Variants in RBFOX1 observed in about 807,000 individuals in gnomAD.
RBFOX1 encodes RNA binding fox-1 homolog 1, also known as RNA binding protein fox-1 homolog 1.
A neutral mutation model predicts 57.7 loss-of-function variants in RBFOX1; 8 were observed. The observed-to-expected ratio is 0.14, with a 90% CI of 0.08 to 0.25. The LOEUF (loss-of-function observed/expected upper bound fraction) is 0.25. Ranked by LOEUF, RBFOX1 falls within the 10% of genes least tolerant of loss-of-function variation. The pLI, the probability that RBFOX1 is intolerant of heterozygous loss-of-function variation, is 1.00. For synonymous variants in RBFOX1, 326 were observed against 222.4 expected, an observed-to-expected ratio of 1.47 and a Z score of -4.15; for missense variants, 611 against 548.5, an observed-to-expected ratio of 1.11 and a Z score of -1.14.
chr16:6,557,505 C>T (rs2097122293), intron 2 of RBFOX1, among the ~76,000 whole-genome samples: 2 of 151,750 alleles, frequency 1.3e-5, no homozygotes, highest in Non-Finnish European at 2.9e-5. Context: ...TCACAGTCTG[C>T]AGTAATATAT....
chr16:5,434,338 T>TTTTTTC (rs2067849459), intron 1 of RBFOX1, among the ~76,000 whole-genome samples: 1 of 147,984 alleles, frequency 6.8e-6, no homozygotes, highest in African/African-American at 2.5e-5. Flanking sequence ...TTTTTTTTTT[T>TTTTTTC]TGAGGCAGGG....
chr16:6,088,436 A>T (rs531247299), intron 1 of RBFOX1, among the ~76,000 whole-genome samples: 3 of 152,150 alleles, frequency 2.0e-5, no homozygotes, highest in Non-Finnish European at 2.9e-5. Context: ...TTTTCCAAAG[A>T]TGAATAAACA....
intron 6 of RBFOX1, among the ~76,000 whole-genome samples, chr16:7,582,245 C>T (rs377624503): frequency 2.0e-5 from 3 of 152,196 alleles, no homozygotes; most frequent in Admixed American, 2.0e-4. Context: ...ATGATAGATA[C>T]ACTTAATACC....
intron 3 of RBFOX1, among the ~76,000 whole-genome samples, chr16:5,826,211 A>T (rs1298351245): frequency 2.0e-5 from 3 of 150,622 alleles, no homozygotes; most frequent in Non-Finnish European, 4.4e-5. Context: ...ATTCCTTATT[A>T]TGAATATTAC....
chr16:6,574,581 A>C (rs2097397767), intron 2 of RBFOX1, among the ~76,000 whole-genome samples: 1 of 149,664 alleles, frequency 6.7e-6, no homozygotes, highest in Admixed American at 6.6e-5. Context: ...GGCGCCCGCC[A>C]CCAAGCCCAG....
intron 3 of RBFOX1, among the ~76,000 whole-genome samples, chr16:5,655,435 G>C (rs371918626): frequency 2.8e-4 from 43 of 152,308 alleles, no homozygotes; most frequent in African/African-American, 9.6e-4. Context: ...CTTTTCATGA[G>C]CATATCTGGC....
chr16:6,837,158 G>C (rs1024988245), intron 3 of RBFOX1, among the ~76,000 whole-genome samples: 1 of 152,158 alleles, frequency 6.6e-6, no homozygotes, highest in African/African-American at 2.4e-5. Flanking sequence ...CAGGAAAGCT[G>C]GTTTTCTGAG....
chr16:6,967,095 T>G (rs1005969749), intron 3 of RBFOX1, among the ~76,000 whole-genome samples: 2 of 152,200 alleles, frequency 1.3e-5, no homozygotes, highest in Non-Finnish European at 2.9e-5. Flanking sequence ...ATCATTCTAT[T>G]TGTCTATACA....
At chr16:5,277,115 A>G (rs1186829525) in intron 1 of RBFOX1, among the ~76,000 whole-genome samples, 2 of 152,208 alleles carry the variant, frequency 1.3e-5, no homozygotes, top group Non-Finnish European at 2.9e-5. Context: ...ACCATAGAAT[A>G]CTACTTAGCC....
chr16:7,434,598 G>C (rs1235579302), intron 4 of RBFOX1, among the ~76,000 whole-genome samples: 1 of 152,140 alleles, frequency 6.6e-6, no homozygotes, highest in African/African-American at 2.4e-5. Context: ...GCATCCTTTA[G>C]AAGCCCTAAG....
At chr16:5,830,686 C>G (rs1490561297) in intron 3 of RBFOX1, among the ~76,000 whole-genome samples, 3 of 152,162 alleles carry the variant, frequency 2.0e-5, no homozygotes, top group Non-Finnish European at 4.4e-5. Context: ...GTCAGTGTGT[C>G]CTCTCTGCAT....
intron 2 of RBFOX1, among the ~76,000 whole-genome samples, chr16:5,578,247 C>G (rs1040928647): frequency 6.6e-6 from 1 of 152,138 alleles, no homozygotes; most frequent in Non-Finnish European, 1.5e-5. Flanking sequence ...GCCGTGCCTG[C>G]CCTGGGGATT....
At chr16:6,048,310 G>C (rs993529620) in intron 1 of RBFOX1, among the ~76,000 whole-genome samples, 2 of 152,122 alleles carry the variant, frequency 1.3e-5, no homozygotes, top group African/African-American at 4.8e-5. Flanking sequence ...ATTCTAGTCA[G>C]ATTTCTTTCC....
At chr16:7,080,012 A>G (rs1363130825) in intron 4 of RBFOX1, among the ~76,000 whole-genome samples, 1 of 140,812 alleles carries the variant, frequency 7.1e-6, no homozygotes, top group African/African-American at 2.7e-5. Context: ...ATATATATAT[A>G]CATATATATA....
chr16:7,178,625 A>C (rs1601975106), intron 4 of RBFOX1, among the ~76,000 whole-genome samples: 1 of 152,146 alleles, frequency 6.6e-6, no homozygotes, highest in African/African-American at 2.4e-5. Flanking sequence ...GTGAAATCTG[A>C]AAGGAAACTA....
chr16:5,276,035 C>A (rs1226207379), intron 1 of RBFOX1, among the ~76,000 whole-genome samples: 1 of 152,168 alleles, frequency 6.6e-6, no homozygotes, highest in African/African-American at 2.4e-5. Context: ...AAAATCAACA[C>A]AAGATGGATC....
intron 1 of RBFOX1, among the ~76,000 whole-genome samples, chr16:5,427,280 A>T (rs1022965663): frequency 6.6e-6 from 1 of 152,244 alleles, no homozygotes; most frequent in African/African-American, 2.4e-5. Context: ...TAAGGAGAAT[A>T]GCAAGTCTAA....
At chr16:7,701,494 G>C (rs951499378) in intron 14 of RBFOX1, among the ~76,000 whole-genome samples, 1 of 152,172 alleles carries the variant, frequency 6.6e-6, no homozygotes, top group African/African-American at 2.4e-5. Context: ...CTGATGATCT[G>C]AAGTGGAACA....
intron 4 of RBFOX1, among the ~76,000 whole-genome samples, chr16:5,987,627 C>T (rs1316489817): frequency 2.0e-5 from 3 of 152,068 alleles, no homozygotes; most frequent in Admixed American, 1.3e-4. Context: ...CACTTGAGGC[C>T]AGGAGTTCGA....
Sources: gnomAD v4.1 joint callset for allele counts (sites outside exome capture counted in the v4.1 genomes callset) on GRCh38, gnomAD v4.1.1 for gene constraint, MANE v1.5 for transcripts, NCBI Gene and HGNC (gene_info 2026-07-23, HGNC 2026-07-21) for gene names.